The following RASSF9 variants were observed in gnomAD, a reference collection of about 807,000 sequenced individuals.
RASSF9 encodes Ras association domain family member 9.
RASSF9 carries 18 observed loss-of-function variants against 21.4 expected under a neutral mutation model. That is an observed-to-expected ratio of 0.84 (90% CI 0.58 to 1.25). RASSF9 has a LOEUF of 1.25. Ranked by LOEUF, RASSF9 falls within the 50% of genes most tolerant of loss-of-function variation. RASSF9 has a pLI of 0.00. For synonymous variants in RASSF9, 183 were observed against 179.1 expected (o/e 1.02, Z -0.18); for missense variants, 480 against 503.2 (o/e 0.95, Z 0.44).
At chr12:85,815,141 A>G (rs1880032304) in intron 1 of RASSF9, among the ~76,000 whole-genome samples, 1 of 151,886 alleles carries the variant, frequency 6.6e-6, no homozygotes, top group African/African-American at 2.4e-5. Flanking sequence ...TGAAAGGGAA[A>G]CCCCACACAC....
At chr12:85,827,146 T>G (rs1005247891) in intron 1 of RASSF9, among the ~76,000 whole-genome samples, 7 of 152,186 alleles carry the variant, frequency 4.6e-5, no homozygotes, top group Non-Finnish European at 1.0e-4. Flanking sequence ...TGTATTTAAC[T>G]GGCATCTGAA....
At position 85,806,048 on chromosome 12, in the gene RASSF9, AT is replaced by A; in HGVS notation, c.48-87del. 4 of 1,408,246 alleles carry A rather than the reference AT, an allele frequency of 2.8e-6. No individual in the cohort carries two copies. The African/African-American group carries it at 5.8e-5, about 20-fold the overall frequency. 87.2% of individuals were successfully genotyped at this position (1,408,246 alleles called of 1,614,324 possible). A position where few individuals can be genotyped will look rare whatever the true frequency, so the allele number is the denominator to read the frequency against. On this transcript the variant is annotated intron_variant, in intron 1 of 1. Coordinates refer to ENST00000361228, the MANE Select transcript of RASSF9 (RefSeq NM_005447.4). ...GGTTTAACATTAGTATGCTTTCTAGATTTTTACCCTTAATGAGAGAGGCATT... is the reference window on the plus strand; with the variant it reads ...GGTTTAACATTAGTATGCTTTCTAGATTTTACCCTTAATGAGAGAGGCATT...
chr12:85,826,344 G>C (rs939810578), intron 1 of RASSF9, among the ~76,000 whole-genome samples: 1 of 151,756 alleles, frequency 6.6e-6, no homozygotes, highest in South Asian at 2.1e-4. Context: ...TATAAATTCC[G>C]CCTCCATGGT....
chr12:85,817,465 G>A (rs1880099795), intron 1 of RASSF9, among the ~76,000 whole-genome samples: 1 of 151,902 alleles, frequency 6.6e-6, no homozygotes, highest in Non-Finnish European at 1.5e-5. Context: ...TTTGTAATTA[G>A]AGAAAAGAAG....
intron 1 of RASSF9, among the ~76,000 whole-genome samples, chr12:85,813,458 C>G (rs1011926145): frequency 6.6e-6 from 1 of 151,800 alleles, no homozygotes; most frequent in African/African-American, 2.4e-5. Context: ...AAGTTTAAAT[C>G]TTGAAGTTTT....
Position 85,808,733 on chromosome 12 carries a change from C to T in RASSF9, c.48-2771G>A, listed in dbSNP as rs1174853175. Among the ~76,000 whole-genome samples the T allele has an allele frequency of 4.6e-5, 7 of 151,820 alleles. No homozygotes were observed. The East Asian group carries it at 1.3e-3, about 29-fold the overall frequency. The stretch of plus-strand genomic sequence containing the variant: ...ACCACATAGAGTTAATTTACTTCAA[C>T]TAGGATATTTGAAAAGCAATAAACA... On this transcript the variant is annotated intron_variant, in intron 1 of 1. Transcript: ENST00000361228.
chr12:85,805,405 T>C lies in RASSF9; in HGVS notation c.605A>G (p.Lys202Arg), dbSNP rs1879801091. Residue 202 changes from lysine (K) to arginine (R), a missense_variant, in exon 2 of 2, where the codon AAG (lysine) becomes AGG (arginine). Coordinates refer to ENST00000361228, the MANE Select transcript of RASSF9 (RefSeq NM_005447.4). ...SQDHTIHQQV[K>R]RMKELDLEIE... ...TTCCAGATCCAGCTCTTTCATTCTC[T>C]TGACTTGCTGATGAATAGTATGGTC... The C allele has an allele frequency of 1.9e-6, 3 of 1,613,808 alleles. No individual in the cohort carries two copies. The highest frequency in any genetic ancestry group is 2.5e-6 in the Non-Finnish European group (3 of 1,179,794).
chr12:85,809,788 C>T (rs1001151942), intron 1 of RASSF9, among the ~76,000 whole-genome samples: 1 of 151,804 alleles, frequency 6.6e-6, no homozygotes, highest in African/African-American at 2.4e-5. Flanking sequence ...GGATCAAATT[C>T]TTGTGTATTG....
chr12:85,833,953 C>G (rs544496797), intron 1 of RASSF9, among the ~76,000 whole-genome samples: 1 of 152,004 alleles, frequency 6.6e-6, no homozygotes, highest in African/African-American at 2.4e-5. Flanking sequence ...TGTGGTTATT[C>G]AAATCATTAT....
Position 85,832,699 on chromosome 12 carries a change from T to C in RASSF9, c.47+3456A>G, listed in dbSNP as rs186111627. On this transcript the variant is annotated intron_variant, in intron 1 of 1. Transcript: ENST00000361228. ...CACTTTCAGAACTTGAACAGCTTAC[T>C]GAAAAAATATCTAGACTCTCAAACA... Among the ~76,000 whole-genome samples, 10 of 152,006 alleles carry C rather than the reference T, an allele frequency of 6.6e-5. No individual in the cohort carries two copies. The East Asian group carries it at 1.9e-3, about 29-fold the overall frequency.
intron 1 of RASSF9, among the ~76,000 whole-genome samples, chr12:85,835,621 G>A (rs1468358726): frequency 1.3e-5 from 2 of 151,934 alleles, no homozygotes; most frequent in African/African-American, 2.4e-5. Flanking sequence ...TTCCACTTTG[G>A]GAACATTCCA....
At chr12:85,830,774 T>C (rs1880433609) in intron 1 of RASSF9, among the ~76,000 whole-genome samples, 1 of 152,146 alleles carries the variant, frequency 6.6e-6, no homozygotes, top group African/African-American at 2.4e-5. Context: ...TTTGTACTTG[T>C]ATGATCATTT....
chr12:85,813,330 T>TA (rs567006358), intron 1 of RASSF9, among the ~76,000 whole-genome samples: 7 of 151,790 alleles, frequency 4.6e-5, no homozygotes, highest in African/African-American at 1.7e-4. Context: ...ATTAATAACA[T>TA]AAAAAATTAC....
intron 1 of RASSF9, among the ~76,000 whole-genome samples, chr12:85,826,833 A>T (rs979468493): frequency 2.0e-5 from 3 of 152,162 alleles, no homozygotes; most frequent in African/African-American, 7.2e-5. Context: ...TAGCCCTTCA[A>T]TGGTTCCCAC....
intron 1 of RASSF9, among the ~76,000 whole-genome samples, chr12:85,813,465 T>C (rs1004362339): frequency 6.6e-6 from 1 of 151,880 alleles, no homozygotes; most frequent in African/African-American, 2.4e-5. Context: ...AATCTTGAAG[T>C]TTTAAGATAA....
At position 85,805,520 on chromosome 12, in the gene RASSF9, T is replaced by C. The variant is rs202079177; in HGVS notation, c.490A>G (p.Thr164Ala). 3.6e-5 allele frequency: 58 copies of C among 1,613,808 alleles called. No homozygotes were observed. The highest frequency in any genetic ancestry group is 4.2e-5 in the Non-Finnish European group (50 of 1,179,890). Residue 164 changes from threonine to alanine, a missense_variant, in exon 2 of 2, where the codon ACT becomes GCT. Thr to Ala is a moderately conservative substitution (Grantham distance 58). Transcript: ENST00000361228. ...TTAATTTTAGCCAGTTTCCGGAAAG[T>C]TTTCCTGACTATTCTTTTTTGTTTA... ...PDKQKRIVRK[T>A]FRKLAKIKQD...
chr12:85,818,132 A>G (rs929290234), intron 1 of RASSF9, among the ~76,000 whole-genome samples: 2 of 152,220 alleles, frequency 1.3e-5, no homozygotes, highest in African/African-American at 4.8e-5. Context: ...TAACTAAAGA[A>G]CAGTTGAGGA....
Position 85,822,065 on chromosome 12 carries a change from CA to C in RASSF9, c.47+14089del, listed in dbSNP as rs777072280. Among the ~76,000 whole-genome samples the C allele has an allele frequency of 5.0e-3, 751 of 150,140 alleles. 4 individuals carry two copies. Among genetic ancestry groups the C allele is most frequent in the African/African-American group, 0.017 (704 of 40,988 alleles). Reference sequence around the variant, plus strand: ...TATTTTGTAAAGAAATATTTCGCAACAAAAAAAAAGTGCTTATTAAAAGGAA... The same window carrying C: ...TATTTTGTAAAGAAATATTTCGCAACAAAAAAAAGTGCTTATTAAAAGGAA... On this transcript the variant is annotated intron_variant, in intron 1 of 1. Coordinates refer to ENST00000361228, the MANE Select transcript of RASSF9 (RefSeq NM_005447.4).
intron 1 of RASSF9, among the ~76,000 whole-genome samples, chr12:85,833,235 T>C (rs1880489227): frequency 6.6e-6 from 1 of 151,892 alleles, no homozygotes. Flanking sequence ...TAATACCAGC[T>C]GATGTCACAT....
Sources: gnomAD v4.1 joint callset for allele counts (sites outside exome capture counted in the v4.1 genomes callset) on GRCh38, gnomAD v4.1.1 for gene constraint, MANE v1.5 for transcripts, NCBI Gene and HGNC (gene_info 2026-07-23, HGNC 2026-07-21) for gene names.